The following CUBN variants were observed in gnomAD, a reference collection of about 807,000 sequenced individuals.
The protein encoded by CUBN is 460 kDa receptor.
In CUBN, 282 loss-of-function variants were observed where a neutral mutation model predicts 405.3. The observed-to-expected ratio is 0.70, with a 90% CI of 0.63 to 0.77. The LOEUF is 0.77. Among genes scored for constraint, CUBN ranks in the 30% least tolerant of loss-of-function variants. The pLI, the probability that CUBN is intolerant of heterozygous loss-of-function variation, is 0.00. For missense variants in CUBN, 4,514 were observed against 4,475.2 expected, an observed-to-expected ratio of 1.01 and a Z score of -0.25; for synonymous variants, 1,684 against 1,617.0, an observed-to-expected ratio of 1.04 and a Z score of -0.99.
intron 28 of CUBN, among the ~76,000 whole-genome samples, chr10:17,008,354 G>GTGTGT (rs200522247): frequency 1.6e-5 from 2 of 125,356 alleles, no homozygotes; most frequent in Non-Finnish European, 3.4e-5. Context: ...GTGTGTGTGT[G>GTGTGT]GTGTGTGTGT....
At chr10:17,112,636 A>G (rs1836796163) in intron 8 of CUBN, among the ~76,000 whole-genome samples, 1 of 152,214 alleles carries the variant, frequency 6.6e-6, no homozygotes, top group East Asian at 1.9e-4. Flanking sequence ...CTGAGAACTA[A>G]GAGGGAAAAA....
intron 54 of CUBN, among the ~76,000 whole-genome samples, chr10:16,895,555 T>C (rs1481767864): frequency 6.6e-6 from 1 of 152,202 alleles, no homozygotes; most frequent in Non-Finnish European, 1.5e-5. Flanking sequence ...TATTGCTTTA[T>C]GTATTTTGTG....
chr10:16,879,665 C>T (rs1214461745), intron 56 of CUBN, among the ~76,000 whole-genome samples: 1 of 152,136 alleles, frequency 6.6e-6, no homozygotes, highest in Non-Finnish European at 1.5e-5. Context: ...CCAATCCAGT[C>T]CAATAAAGGT....
intron 22 of CUBN, among the ~76,000 whole-genome samples, chr10:17,059,776 C>T (rs1273284183): frequency 2.0e-5 from 3 of 152,180 alleles, no homozygotes. Context: ...ATTGCTTTTT[C>T]TTTTCCCTCT....
chr10:16,928,240 C>T lies in CUBN; in HGVS notation c.6188G>A (p.Arg2063Gln), dbSNP rs138959174. 2.7e-5 allele frequency: 43 copies of T among 1,613,786 alleles called. No individual in the cohort carries two copies. In the Middle Eastern group the frequency reaches 4.9e-4, roughly 19 times the overall value. The change falls in exon 41 of 67, where the codon CGG becomes CAG. Residue 2063 changes from arginine (R) to glutamine (Q), a missense_variant. Physicochemically the swap from Arg to Gln is conservative, Grantham distance 43 (BLOSUM62 1). Around this residue, in one of 5 missense-constraint regions of CUBN, gnomAD observed 1,613 missense variants for 1,542.8 expected, o/e 1.05. Coordinates refer to ENST00000377833, the MANE Select transcript of CUBN (RefSeq NM_001081.4). Reference protein sequence around the residue: ...LCGREIPGPIRSTGEYMFIRF... With the variant: ...LCGREIPGPIQSTGEYMFIRF... ...GATGAACATGTACTCTCCAGTAGAC[C>T]GGATGGGCCCAGGGATCTCTCTGCC...
intron 9 of CUBN, among the ~76,000 whole-genome samples, chr10:17,110,404 T>C (rs1836744054): frequency 6.6e-6 from 1 of 152,268 alleles, no homozygotes; most frequent in African/African-American, 2.4e-5. Flanking sequence ...GTAAAGTTTG[T>C]TGTTTTCTAC....
chr10:16,897,294 T>C (rs1472809746), intron 54 of CUBN, among the ~76,000 whole-genome samples: 1 of 138,232 alleles, frequency 7.2e-6, no homozygotes, highest in Non-Finnish European at 1.6e-5. Flanking sequence ...TTTAGCAGGC[T>C]GTCACCCTGT....
chr10:16,955,359 A>G (rs1186504136), intron 31 of CUBN, among the ~76,000 whole-genome samples: 1 of 129,390 alleles, frequency 7.7e-6, no homozygotes, highest in African/African-American at 2.9e-5. Flanking sequence ...GGCAACAGAG[A>G]GCGAGATTCT....
At chr10:16,889,207 A>T (rs1453802738) in intron 55 of CUBN, among the ~76,000 whole-genome samples, 1 of 152,190 alleles carries the variant, frequency 6.6e-6, no homozygotes, top group African/African-American at 2.4e-5. Flanking sequence ...TATCCTTTTA[A>T]ATTGACATTA....
At chr10:16,843,462 G>A (rs1839418616) in intron 60 of CUBN, among the ~76,000 whole-genome samples, 1 of 152,190 alleles carries the variant, frequency 6.6e-6, no homozygotes. Context: ...TGCACCACTA[G>A]ATGGCACTGT....
chr10:17,034,851 C>T (rs1834861697), intron 27 of CUBN, among the ~76,000 whole-genome samples: 1 of 152,116 alleles, frequency 6.6e-6, no homozygotes, highest in African/African-American at 2.4e-5. Flanking sequence ...AAAAATGTAG[C>T]ATTTGTTGAA....
intron 13 of CUBN, among the ~76,000 whole-genome samples, chr10:17,101,620 C>G (rs1400052439): frequency 6.6e-6 from 1 of 152,034 alleles, no homozygotes; most frequent in Non-Finnish European, 1.5e-5. Flanking sequence ...TTTTATGAAT[C>G]CAGGAGGTGG....
chr10:16,919,835 A>C (rs190998423), intron 44 of CUBN, 128 bp downstream of exon 44: 313 of 1,035,178 alleles, frequency 3.0e-4, no homozygotes, highest in Non-Finnish European at 4.2e-4. Flanking sequence ...CTGAGCCATT[A>C]AGCATTTCCC....
Position 17,114,170 on chromosome 10 carries a change from C to G in CUBN, c.740G>C (p.Cys247Ser). ...GGGTGAAAACATCCACCCAGCATCA[C>G]AGACGCAGCTGTACTTGGGCTGGCA... ...QAGEPKYSCV[C>S]DAGWMFSPNS... Residue 247 changes from cysteine to serine, a missense_variant, in exon 8 of 67, where the codon TGT (cysteine) becomes TCT (serine). By Grantham distance (112) the Cys-to-Ser change is moderately radical (BLOSUM62 -1). This residue lies in a region of CUBN where 1,448 missense variants were observed against 1,388.0 expected (regional missense o/e 1.04). Transcript: ENST00000377833. The G allele has an allele frequency of 6.2e-7, 1 of 1,613,884 alleles. No homozygotes were observed. The highest frequency in any genetic ancestry group is 8.5e-7 in the Non-Finnish European group (1 of 1,179,950).
chr10:16,994,514 A>C (rs1833677703), intron 28 of CUBN, among the ~76,000 whole-genome samples: 1 of 152,208 alleles, frequency 6.6e-6, no homozygotes, highest in Non-Finnish European at 1.5e-5. Flanking sequence ...CTCTGGATGC[A>C]TGACAAAGGG....
At chr10:16,964,662 G>A (rs948624282) in intron 31 of CUBN, among the ~76,000 whole-genome samples, 8 of 152,076 alleles carry the variant, frequency 5.3e-5, no homozygotes, top group African/African-American at 1.4e-4. Flanking sequence ...TTCATCACTC[G>A]GACGCATAAG....
At chr10:17,102,627 G>A (rs548758626) in intron 13 of CUBN, among the ~76,000 whole-genome samples, 3 of 117,808 alleles carry the variant, frequency 2.5e-5, no homozygotes, top group Non-Finnish European at 5.0e-5. Context: ...TTTTTTGTGA[G>A]ATGGAGTCTT....
intron 60 of CUBN, among the ~76,000 whole-genome samples, chr10:16,848,962 C>A (rs1324444718): frequency 6.6e-6 from 1 of 152,048 alleles, no homozygotes; most frequent in Middle Eastern, 3.2e-3. Context: ...CCTCTGCCTC[C>A]CAGTGTGCTG....
At chr10:17,079,521 G>C (rs1303519327) in intron 17 of CUBN, among the ~76,000 whole-genome samples, 1 of 152,000 alleles carries the variant, frequency 6.6e-6, no homozygotes, top group Non-Finnish European at 1.5e-5. Context: ...TTACAGGCAT[G>C]AGCCACCATG....
Sources: allele counts gnomAD v4.1 joint callset (sites outside exome capture counted in the v4.1 genomes callset), GRCh38; gene constraint gnomAD v4.1.1; regional missense constraint gnomAD v4.1.1; transcripts MANE v1.5; gene names NCBI Gene and HGNC (gene_info 2026-07-23, HGNC 2026-07-21).